The following MCU variants were observed in gnomAD, a reference collection of about 807,000 sequenced individuals.
MCU encodes calcium uniporter protein, mitochondrial.
In MCU, 12 loss-of-function variants were observed where a neutral mutation model predicts 45.2. That is an observed-to-expected ratio of 0.27 (90% CI 0.17 to 0.43). The LOEUF (loss-of-function observed/expected upper bound fraction) is 0.43. MCU is among the 20% of genes least tolerant of loss of function. The pLI, the probability that MCU is intolerant of heterozygous loss-of-function variation, is 1.00. For missense variants in MCU, 324 were observed against 436.7 expected (o/e 0.74, Z 2.30); for synonymous variants, 160 against 165.1 (o/e 0.97, Z 0.24).
intron 1 of MCU, among the ~76,000 whole-genome samples, chr10:72,814,187 T>G (rs1844590531): frequency 6.6e-6 from 1 of 152,182 alleles, no homozygotes; most frequent in African/African-American, 2.4e-5. Flanking sequence ...GTAATCCTGA[T>G]CCTGGTAAAC....
intron 1 of MCU, among the ~76,000 whole-genome samples, chr10:72,727,234 A>G (rs1446473158): frequency 6.6e-6 from 1 of 152,214 alleles, no homozygotes; most frequent in African/African-American, 2.4e-5. Context: ...GTAGTTTTAC[A>G]CAGCAGATAA....
intron 1 of MCU, among the ~76,000 whole-genome samples, chr10:72,705,170 A>G (rs1209926225): frequency 6.6e-6 from 1 of 151,954 alleles, no homozygotes; most frequent in Non-Finnish European, 1.5e-5. Context: ...GCCAAAACAA[A>G]TTTTTTTTAA....
In MCU at chr10:72,884,255, C is replaced by T; in HGVS notation, c.862-11C>T. 6.7e-7 allele frequency: 1 copy of T among 1,496,636 alleles called. No homozygotes were observed. Among genetic ancestry groups the T allele is most frequent in the South Asian group, 1.1e-5 (1 of 88,278 alleles). 92.7% of individuals were successfully genotyped at this position (1,496,636 alleles called of 1,614,324 possible). ...CTAAGGACTGATAATTCCGTTTCTT[C>T]ATTTTTTTAGGAATATGTTTATCCA... On this transcript the variant is annotated splice_polypyrimidine_tract_variant and intron_variant, in intron 6 of 7. Transcript: ENST00000373053.
chr10:72,729,154 A>G (rs180769015), intron 1 of MCU, among the ~76,000 whole-genome samples: 12 of 152,310 alleles, frequency 7.9e-5, no homozygotes, highest in Non-Finnish European at 1.6e-4. Context: ...ATAGCATTAT[A>G]TAGTAAAGTG....
intron 1 of MCU, among the ~76,000 whole-genome samples, chr10:72,704,801 A>T (rs569620156): frequency 1.5e-5 from 2 of 133,028 alleles, no homozygotes; most frequent in Non-Finnish European, 3.0e-5. Context: ...TGCAACCTCC[A>T]CCTCCTGGGT....
intron 1 of MCU, among the ~76,000 whole-genome samples, chr10:72,719,975 G>A (rs967205068): frequency 6.6e-6 from 1 of 152,152 alleles, no homozygotes; most frequent in Non-Finnish European, 1.5e-5. Context: ...GGCCTCAAGT[G>A]ACCCTCCCAC....
chr10:72,784,719 G>A (rs1844046448), intron 1 of MCU, among the ~76,000 whole-genome samples: 1 of 152,180 alleles, frequency 6.6e-6, no homozygotes, highest in Non-Finnish European at 1.5e-5. Context: ...CCGTATGTGT[G>A]CGTGGGTGTG....
intron 4 of MCU, among the ~76,000 whole-genome samples, chr10:72,866,219 C>G (rs1293357322): frequency 1.3e-5 from 2 of 152,176 alleles, no homozygotes; most frequent in African/African-American, 4.8e-5. Context: ...TACCACCACT[C>G]TTTTTCAGCT....
At chr10:72,827,997 G>A (rs771995339) in intron 1 of MCU, among the ~76,000 whole-genome samples, 2 of 152,082 alleles carry the variant, frequency 1.3e-5, no homozygotes, top group African/African-American at 2.4e-5. Flanking sequence ...CAGGGATATA[G>A]AAAAAAACTG....
At chr10:72,721,285 A>G (rs555140414) in intron 1 of MCU, among the ~76,000 whole-genome samples, 1 of 152,290 alleles carries the variant, frequency 6.6e-6, no homozygotes, top group East Asian at 1.9e-4. Flanking sequence ...GCCTACAGGT[A>G]GTGACAATAA....
intron 1 of MCU, among the ~76,000 whole-genome samples, chr10:72,807,474 T>G (rs1376757034): frequency 6.6e-6 from 1 of 152,036 alleles, no homozygotes; most frequent in Non-Finnish European, 1.5e-5. Context: ...CAATGAGTTC[T>G]TTTTTTTGTT....
intron 1 of MCU, among the ~76,000 whole-genome samples, chr10:72,773,065 A>G (rs1334403282): frequency 6.6e-6 from 1 of 152,042 alleles, no homozygotes; most frequent in Non-Finnish European, 1.5e-5. Context: ...CACCTGGCTA[A>G]TTTTTGAATA....
At chr10:72,868,409 C>G (rs890130312) in intron 4 of MCU, among the ~76,000 whole-genome samples, 8 of 151,962 alleles carry the variant, frequency 5.3e-5, no homozygotes, top group Non-Finnish European at 1.2e-4. Context: ...ATTAGCCAGG[C>G]TTGTGGCCGG....
intron 1 of MCU, among the ~76,000 whole-genome samples, chr10:72,729,719 A>G (rs182505026): frequency 6.6e-6 from 1 of 152,244 alleles, no homozygotes; most frequent in African/African-American, 2.4e-5. Context: ...GTAGGTGGTA[A>G]TACTCAGTTA....
At chr10:72,828,934 T>G (rs1175675562) in intron 1 of MCU, among the ~76,000 whole-genome samples, 1 of 152,226 alleles carries the variant, frequency 6.6e-6, no homozygotes, top group African/African-American at 2.4e-5. Context: ...AAGTTACTTA[T>G]TAAAGATATG....
At chr10:72,860,333 A>G in intron 3 of MCU, 90 bp from the exon 4 acceptor site, 2 of 1,140,490 alleles carry the variant, frequency 1.8e-6, no homozygotes, top group East Asian at 2.4e-5. Context: ...GGAAGAGGTA[A>G]TTTTTAAAAA....
At chr10:72,721,783 T>C (rs976377204) in intron 1 of MCU, among the ~76,000 whole-genome samples, 4 of 152,226 alleles carry the variant, frequency 2.6e-5, no homozygotes, top group Admixed American at 1.3e-4. Context: ...GCTGTAGTGA[T>C]GCATTACTGC....
chr10:72,856,517 G>A (rs563816773), intron 2 of MCU, among the ~76,000 whole-genome samples: 2 of 152,186 alleles, frequency 1.3e-5, no homozygotes, highest in East Asian at 1.9e-4. Context: ...AAAGCTTGAT[G>A]CATTTTGGAT....
chr10:72,824,398 T>A (rs546819480), intron 1 of MCU, among the ~76,000 whole-genome samples: 1 of 148,692 alleles, frequency 6.7e-6, no homozygotes, highest in African/African-American at 2.5e-5. Context: ...TTTGTAGAGA[T>A]GGGTTTCACC....
Sources: allele counts gnomAD v4.1 joint callset (sites outside exome capture counted in the v4.1 genomes callset), GRCh38; gene constraint gnomAD v4.1.1; transcripts MANE v1.5; gene names NCBI Gene and HGNC (gene_info 2026-07-23, HGNC 2026-07-21).